The following ZNF280D variants were observed in gnomAD, a reference collection of about 807,000 sequenced individuals.
ZNF280D encodes the protein suppressor of hairy wing homolog 4.
ZNF280D carries 39 observed loss-of-function variants against 94.7 expected under a neutral mutation model. The observed-to-expected ratio is 0.41, with a 90% CI of 0.32 to 0.54. ZNF280D has a LOEUF of 0.54. ZNF280D is among the 20% of genes least tolerant of loss of function. The probability of loss-of-function intolerance (pLI) is 0.22; values close to 1 mark genes in which losing one functional copy is unlikely to be tolerated. For synonymous variants in ZNF280D, 398 were observed against 377.6 expected (o/e 1.05, Z -0.63); for missense variants, 1,090 against 1,149.3 (o/e 0.95, Z 0.75).
At chr15:56,705,344 G>C (rs1232161449) in intron 3 of ZNF280D, among the ~76,000 whole-genome samples, 3 of 152,116 alleles carry the variant, frequency 2.0e-5, no homozygotes, top group African/African-American at 7.2e-5. Flanking sequence ...GTCTCAGAGC[G>C]ATTATTTATA....
chr15:56,664,690 T>A (rs1436426087), intron 16 of ZNF280D, among the ~76,000 whole-genome samples: 1 of 152,116 alleles, frequency 6.6e-6, no homozygotes, highest in African/African-American at 2.4e-5. Flanking sequence ...AATAAAGAGA[T>A]CTTTTTTAAA....
chr15:56,659,175 TAA>T lies in ZNF280D; in HGVS notation c.1995-691_1995-690del, dbSNP rs35057161. On this transcript the variant is annotated intron_variant, in intron 16 of 21. Transcript: ENST00000267807. ...GGCTTTCTAGTAGAGTGTTTTTTAT[TAA>T]AAAAAAAAAAAAAAAAAAAAAGGAA... Among the ~76,000 whole-genome samples the T allele has an allele frequency of 3.3e-4, 31 of 93,220 alleles. No individual in the cohort carries two copies. The South Asian group carries it at 0.01, about 31-fold the overall frequency. 61.2% of individuals were successfully genotyped at this position (93,220 alleles called of 152,430 possible). A position where few individuals can be genotyped will look rare whatever the true frequency, so the allele number is the denominator to read the frequency against.
At chr15:56,665,175 T>C (rs779779469) in intron 16 of ZNF280D, among the ~76,000 whole-genome samples, 1 of 151,828 alleles carries the variant, frequency 6.6e-6, no homozygotes, top group Non-Finnish European at 1.5e-5. Flanking sequence ...CCAAAAAAGG[T>C]AGAAGAATCC....
At chr15:56,674,826 T>A (rs4774886) in intron 13 of ZNF280D, among the ~76,000 whole-genome samples, 72,675 of 151,732 alleles carry the variant, frequency 0.48, 19,409 homozygotes, top group East Asian at 0.61. Context: ...ACAAACTGGG[T>A]TATTAACTCT....
Position 56,707,116 on chromosome 15 carries a change from G to C in ZNF280D, c.-7C>G, listed in dbSNP as rs773635788. 6.2e-7 allele frequency: 1 copy of C among 1,613,890 alleles called. No homozygotes were observed. Among genetic ancestry groups the C allele is most frequent in the Non-Finnish European group, 8.5e-7 (1 of 1,179,922 alleles). On this transcript the variant is annotated 5_prime_UTR_variant, in exon 3 of 22. Transcript: ENST00000267807. ...GAAAAGGGTTGTCGCCCATCAAGCT[G>C]CAGAGATGACTTTCTGTAAATTGTC...
intron 20 of ZNF280D, among the ~76,000 whole-genome samples, chr15:56,641,323 T>A (rs1275855184): frequency 6.6e-6 from 1 of 151,998 alleles, no homozygotes; most frequent in African/African-American, 2.4e-5. Flanking sequence ...TTTAGCTTCT[T>A]CCACTTGGCT....
At chr15:56,678,613 T>C in intron 11 of ZNF280D, 51 bp downstream of exon 11, 2 of 1,377,486 alleles carry the variant, frequency 1.5e-6, no homozygotes, top group Non-Finnish European at 1.9e-6. Flanking sequence ...TCTCACAATT[T>C]ATATTAGCGA....
At chr15:56,652,401 G>C (rs2053259944) in intron 19 of ZNF280D, 2 of 175,958 alleles carry the variant, frequency 1.1e-5, no homozygotes, top group Non-Finnish European at 2.2e-5. Context: ...CAAGTAACAA[G>C]GCTTCCATAT....
Position 56,682,239 on chromosome 15 carries a change from C to A in ZNF280D, c.1004+15G>T. On this transcript the variant is annotated intron_variant, in intron 10 of 21. Transcript: ENST00000267807. The stretch of plus-strand genomic sequence containing the variant: ...TTTCAATTTTCAATAGAAATAAAAA[C>A]AAGTATTTACATACCTAATGTTATT... 1 of 1,477,982 alleles carries A rather than the reference C, an allele frequency of 6.8e-7. No homozygotes were observed. Among genetic ancestry groups the A allele is most frequent in the African/African-American group, 1.4e-5 (1 of 69,062 alleles). The allele number at this position is 1,477,982 out of a possible 1,614,324, so 91.6% of individuals were successfully genotyped here.
intron 3 of ZNF280D, among the ~76,000 whole-genome samples, chr15:56,704,917 A>T (rs1357910933): frequency 2.6e-5 from 4 of 152,096 alleles, no homozygotes; most frequent in African/African-American, 9.7e-5. Context: ...TAGGAGGTGG[A>T]GGTTGCAGTG....
rs374987185 is a variant in ZNF280D at position 56,664,542 on chromosome 15, G to A, written c.1994+1853C>T. On this transcript the variant is annotated intron_variant, in intron 16 of 21. Transcript: ENST00000267807. ...TGAAGGTAACAGGAAAAATACGTGG[G>A]GTTGAAAAGAGTTAATTTTAGGAAA... Among the ~76,000 whole-genome samples, 7 of 152,090 alleles carry A rather than the reference G, an allele frequency of 4.6e-5. No individual in the cohort carries two copies. The East Asian group carries it at 1.4e-3, about 29-fold the overall frequency.
At chr15:56,652,987 T>C (rs564875648) in intron 19 of ZNF280D, 7 of 923,236 alleles carry the variant, frequency 7.6e-6, no homozygotes, top group Non-Finnish European at 9.1e-6. Context: ...TTAATAAATT[T>C]TGAGAACATA....
intron 6 of ZNF280D, chr15:56,697,978 A>G (rs183127365): frequency 6.6e-6 from 1 of 152,282 alleles, no homozygotes; most frequent in Admixed American, 6.5e-5. Flanking sequence ...GTTTTGGTTG[A>G]GGAGTATTAT....
intron 13 of ZNF280D, among the ~76,000 whole-genome samples, chr15:56,669,974 A>ATATTAT (rs1230973169): frequency 0.013 from 10 of 782 alleles, 2 homozygotes; most frequent in Non-Finnish European, 0.023. Context: ...ATATATATAT[A>ATATTAT]ATATATATAT....
At chr15:56,724,061 A>T (rs1000709010) in intron 1 of ZNF280D, among the ~76,000 whole-genome samples, 1 of 152,166 alleles carries the variant, frequency 6.6e-6, no homozygotes, top group Non-Finnish European at 1.5e-5. Flanking sequence ...GCCTAGTATC[A>T]CAATATGGTA....
intron 17 of ZNF280D, among the ~76,000 whole-genome samples, chr15:56,657,413 C>T (rs111497418): frequency 6.6e-6 from 1 of 152,034 alleles, no homozygotes; most frequent in African/African-American, 2.4e-5. Context: ...TAAGAGATAG[C>T]TTAGCTATCT....
At chr15:56,647,379 A>G (rs1236793087) in intron 19 of ZNF280D, among the ~76,000 whole-genome samples, 1 of 152,192 alleles carries the variant, frequency 6.6e-6, no homozygotes, top group Non-Finnish European at 1.5e-5. Context: ...TGGAATTCGA[A>G]GAAGGGAGAA....
At chr15:56,676,583 G>A (rs1259189152) in intron 13 of ZNF280D, 87 bp downstream of exon 13, 21 of 1,223,756 alleles carry the variant, frequency 1.7e-5, no homozygotes, top group Non-Finnish European at 2.2e-5. Flanking sequence ...TGCTTCTCTT[G>A]CAGAACAAAT....
intron 19 of ZNF280D, chr15:56,652,831 C>CT (rs2053288693): frequency 4.1e-6 from 4 of 983,502 alleles, no homozygotes; most frequent in Middle Eastern, 5.2e-4. Flanking sequence ...GTTTAATGGG[C>CT]TTAGTAACAG....
Sources: allele counts gnomAD v4.1 joint callset (sites outside exome capture counted in the v4.1 genomes callset), GRCh38; gene constraint gnomAD v4.1.1; transcripts MANE v1.5; gene names NCBI Gene and HGNC (gene_info 2026-07-23, HGNC 2026-07-21).